The following COMMD1 variants were observed in gnomAD, a reference collection of about 807,000 sequenced individuals.
COMMD1 encodes COMM domain-containing protein 1.
COMMD1 carries 10 observed loss-of-function variants against 17.2 expected under a neutral mutation model. That is an observed-to-expected ratio of 0.58 (90% confidence interval 0.36 to 0.99). The LOEUF (loss-of-function observed/expected upper bound fraction) is 0.99, where lower values mean the gene tolerates loss of function less well. Ranked by LOEUF, COMMD1 falls within the 50% of genes least tolerant of loss-of-function variation. COMMD1 has a pLI of 0.01. For synonymous variants in COMMD1, 97 were observed against 91.6 expected, an observed-to-expected ratio of 1.06 and a Z score of -0.34; for missense variants, 270 against 231.8, an observed-to-expected ratio of 1.17 and a Z score of -1.07.
chr2:61,955,165 T>A (rs1671162994), intron 1 of COMMD1, among the ~76,000 whole-genome samples: 1 of 152,230 alleles, frequency 6.6e-6, no homozygotes, highest in Non-Finnish European at 1.5e-5. Context: ...TTATTAATCA[T>A]TCCCATATTT....
chr2:62,002,084 C>T (rs1354586225), intron 2 of COMMD1, among the ~76,000 whole-genome samples: 5 of 152,038 alleles, frequency 3.3e-5, no homozygotes, highest in African/African-American at 4.8e-5. Context: ...GCACGAGAAT[C>T]GCTTGAACCT....
chr2:62,050,742 A>G (rs995894116), intron 2 of COMMD1, among the ~76,000 whole-genome samples: 5 of 152,250 alleles, frequency 3.3e-5, no homozygotes, highest in Admixed American at 3.3e-4. Flanking sequence ...AACTAAAATG[A>G]GAAAAGTCTG....
At chr2:61,952,459 T>C (rs546938496) in intron 1 of COMMD1, among the ~76,000 whole-genome samples, 10 of 152,274 alleles carry the variant, frequency 6.6e-5, no homozygotes, top group Admixed American at 2.0e-4. Context: ...TTTCAAACTT[T>C]CTGGCAACCG....
In COMMD1 at chr2:61,905,690, C is replaced by T. The variant is rs376213723; in HGVS notation, c.12C>T (p.Gly4=). The T allele has an allele frequency of 2.6e-6, 4 of 1,565,398 alleles. No homozygotes were observed. Among genetic ancestry groups the T allele is most frequent in the South Asian group, 2.3e-5 (2 of 86,720 alleles). Reference sequence around the variant, plus strand: ...GGCCTTCGCAGAGCATGGCGGCGGGCGAGCTTGAGGGTGGCAAACCCCTGA... The same window carrying T: ...GGCCTTCGCAGAGCATGGCGGCGGGTGAGCTTGAGGGTGGCAAACCCCTGA... The part of the protein sequence containing the change: MAA[G]ELEGGKPLSG... Residue 4 remains glycine (G), a synonymous_variant, in exon 1 of 3, where the codon GGC becomes GGT. Coordinates refer to ENST00000311832, the MANE Select transcript of COMMD1 (RefSeq NM_152516.4).
chr2:62,036,864 T>C (rs541345131), intron 2 of COMMD1, among the ~76,000 whole-genome samples: 6 of 152,348 alleles, frequency 3.9e-5, no homozygotes, highest in Admixed American at 3.9e-4. Context: ...CTGCTCATAC[T>C]CTTGTGGTAG....
chr2:61,966,466 A>G (rs66566434), intron 1 of COMMD1, among the ~76,000 whole-genome samples: 24,281 of 152,120 alleles, frequency 0.16, 2,013 homozygotes, highest in East Asian at 0.23. Context: ...TTGAAACACT[A>G]GTTGGTTGTA....
chr2:61,969,194 A>C (rs1209711315), intron 1 of COMMD1: 1 of 174,208 alleles, frequency 5.7e-6, no homozygotes, highest in Non-Finnish European at 1.3e-5. Flanking sequence ...TAAAATACTT[A>C]TTTACCTAAA....
At chr2:62,096,122 T>C (rs1672002265) in intron 2 of COMMD1, among the ~76,000 whole-genome samples, 1 of 152,108 alleles carries the variant, frequency 6.6e-6, no homozygotes, top group East Asian at 1.9e-4. Context: ...AAAAATGTAA[T>C]GTCATTCCTA....
intron 2 of COMMD1, among the ~76,000 whole-genome samples, chr2:62,125,352 G>T (rs1672858606): frequency 6.6e-6 from 1 of 152,112 alleles, no homozygotes; most frequent in African/African-American, 2.4e-5. Flanking sequence ...TGAGTTTGGG[G>T]GTGAGTCATT....
intron 2 of COMMD1, among the ~76,000 whole-genome samples, chr2:62,053,027 C>G (rs189686425): frequency 6.6e-6 from 1 of 152,312 alleles, no homozygotes; most frequent in East Asian, 1.9e-4. Flanking sequence ...CTGCAGTGAG[C>G]TGTGATCACA....
chr2:62,035,598 G>T (rs538061849), intron 2 of COMMD1, among the ~76,000 whole-genome samples: 10 of 151,848 alleles, frequency 6.6e-5, no homozygotes, highest in Non-Finnish European at 1.2e-4. Flanking sequence ...AATTAGCTGG[G>T]CATGGTGGTG....
At chr2:61,897,353 A>G (rs1266448302) in intron 1 of COMMD1, among the ~76,000 whole-genome samples, 2 of 152,162 alleles carry the variant, frequency 1.3e-5, no homozygotes, top group Non-Finnish European at 1.5e-5. Flanking sequence ...CTCCTGTGTC[A>G]TGTAAAACTT....
rs1419807505 is a variant in COMMD1, at chr2:61,996,015, A to G, written c.181-4686A>G. Among the ~76,000 whole-genome samples the G allele has an allele frequency of 2.0e-5, 3 of 152,206 alleles. No homozygotes were observed. The East Asian group carries it at 5.8e-4, about 29-fold the overall frequency. On this transcript the variant is annotated intron_variant, in intron 1 of 2. Transcript: ENST00000311832. ...ATACCATACCATATCATACTACACT[A>G]TATTAAGTGTGTAAGAACACTGTGT...
intron 2 of COMMD1, among the ~76,000 whole-genome samples, chr2:62,091,124 G>A (rs1239031583): frequency 1.3e-5 from 2 of 152,184 alleles, no homozygotes; most frequent in African/African-American, 2.4e-5. Flanking sequence ...ACATGAGCCC[G>A]TGTTGGGTAA....
chr2:61,952,265 T>C (rs1478469443), intron 1 of COMMD1, among the ~76,000 whole-genome samples: 2 of 152,204 alleles, frequency 1.3e-5, no homozygotes, highest in African/African-American at 2.4e-5. Flanking sequence ...GTCAGACTAA[T>C]GAAAGGCCAC....
Position 62,005,848 on chromosome 2 carries a change from T to C in COMMD1, c.462+4866T>C, listed in dbSNP as rs572409435. Among the ~76,000 whole-genome samples, 31 of 151,596 alleles carry C rather than the reference T, an allele frequency of 2.0e-4. No homozygotes were observed. The East Asian group carries it at 6.0e-3, about 29-fold the overall frequency. Reference sequence around the variant, plus strand: ...GACCCAGCCATCCCATTACTGGGTATATACCCAAAGGACTATAAATCATGC... The same window carrying C: ...GACCCAGCCATCCCATTACTGGGTACATACCCAAAGGACTATAAATCATGC... On this transcript the variant is annotated intron_variant, in intron 2 of 2. Transcript: ENST00000311832.
At chr2:61,944,176 G>C (rs1158340164) in intron 1 of COMMD1, among the ~76,000 whole-genome samples, 1 of 152,162 alleles carries the variant, frequency 6.6e-6, no homozygotes, top group Admixed American at 6.5e-5. Context: ...TCTGGGCCAG[G>C]TGTGGTGGCT....
intron 1 of COMMD1, among the ~76,000 whole-genome samples, chr2:61,990,924 A>ACACG (rs1672235644): frequency 6.6e-6 from 1 of 150,450 alleles, no homozygotes; most frequent in African/African-American, 2.4e-5. Flanking sequence ...ACACACACAC[A>ACACG]CACACACACA....
At chr2:62,100,502 A>T (rs762753266) in intron 2 of COMMD1, among the ~76,000 whole-genome samples, 7 of 152,190 alleles carry the variant, frequency 4.6e-5, no homozygotes, top group Non-Finnish European at 8.8e-5. Context: ...AATACATTTA[A>T]GAAATACATT....
Sources: allele counts gnomAD v4.1 joint callset (sites outside exome capture counted in the v4.1 genomes callset), GRCh38; gene constraint gnomAD v4.1.1; transcripts MANE v1.5; gene names NCBI Gene and HGNC (gene_info 2026-07-23, HGNC 2026-07-21).